The following KCNB2 variants were observed in gnomAD, a reference collection of about 807,000 sequenced individuals.
KCNB2 encodes potassium voltage-gated channel subfamily B member 2.
A neutral mutation model predicts 61.5 loss-of-function variants in KCNB2; 15 were observed. The ratio of observed to expected loss-of-function variants is 0.24; its 90% CI spans 0.16 to 0.38. The LOEUF (loss-of-function observed/expected upper bound fraction) is 0.38, where lower values mean the gene tolerates loss of function less well. KCNB2 is among the 10% of genes least tolerant of loss of function. The pLI is 1.00. For missense variants in KCNB2, 828 were observed against 1,125.2 expected (o/e 0.74, Z 3.78); for synonymous variants, 457 against 446.0 (o/e 1.02, Z -0.31).
chr8:72,568,778 A>G (rs1260178387), intron 2 of KCNB2, among the ~76,000 whole-genome samples: 1 of 144,534 alleles, frequency 6.9e-6, no homozygotes, highest in Admixed American at 7.4e-5. Flanking sequence ...GCATGGCCCC[A>G]GGTAGCTCAG....
At chr8:72,621,898 A>C (rs1563541102) in intron 2 of KCNB2, among the ~76,000 whole-genome samples, 1 of 152,196 alleles carries the variant, frequency 6.6e-6, no homozygotes, top group African/African-American at 2.4e-5. Flanking sequence ...AAGTGTTTGT[A>C]GTATTCATGT....
chr8:72,759,253 A>G (rs765328432), intron 2 of KCNB2, among the ~76,000 whole-genome samples: 21 of 152,216 alleles, frequency 1.4e-4, no homozygotes, highest in Non-Finnish European at 2.9e-4. Flanking sequence ...TTATGATACT[A>G]TATTACATAA....
At chr8:72,672,988 G>T (rs1806590468) in intron 2 of KCNB2, among the ~76,000 whole-genome samples, 1 of 152,136 alleles carries the variant, frequency 6.6e-6, no homozygotes, top group Non-Finnish European at 1.5e-5. Flanking sequence ...TTATATGATG[G>T]TTTCTTAAAG....
chr8:72,810,351 T>C (rs1315322418), intron 2 of KCNB2, among the ~76,000 whole-genome samples: 1 of 152,222 alleles, frequency 6.6e-6, no homozygotes, highest in East Asian at 1.9e-4. Flanking sequence ...GGACTGTCGC[T>C]GATAAACAGA....
At chr8:72,725,626 T>TGTGTGTATATA (rs1563572150) in intron 2 of KCNB2, among the ~76,000 whole-genome samples, 1 of 144,120 alleles carries the variant, frequency 6.9e-6, no homozygotes, top group Non-Finnish European at 1.5e-5. Flanking sequence ...TATATATGCA[T>TGTGTGTATATA]TCTTCTGAAA....
intron 2 of KCNB2, among the ~76,000 whole-genome samples, chr8:72,838,560 C>T (rs998751116): frequency 3.3e-5 from 5 of 152,182 alleles, no homozygotes; most frequent in Middle Eastern, 3.4e-3. Context: ...TGAATAGTGC[C>T]GCAATAAACA....
At chr8:72,869,893 CT>C (rs1325104402) in intron 2 of KCNB2, among the ~76,000 whole-genome samples, 3 of 152,176 alleles carry the variant, frequency 2.0e-5, no homozygotes, top group Non-Finnish European at 4.4e-5. Context: ...CTGCACCCCC[CT>C]ATTCACTGCG....
intron 1 of KCNB2, among the ~76,000 whole-genome samples, chr8:72,540,903 C>G (rs1403994315): frequency 6.6e-6 from 1 of 151,654 alleles, no homozygotes; most frequent in Non-Finnish European, 1.5e-5. Context: ...TTATTACTTA[C>G]TAAATATATA....
chr8:72,919,093 C>T (rs1340828797), intron 2 of KCNB2, among the ~76,000 whole-genome samples: 1 of 152,216 alleles, frequency 6.6e-6, no homozygotes, highest in Non-Finnish European at 1.5e-5. Flanking sequence ...GTATTATCAT[C>T]TCCAAAGGAG....
chr8:72,560,400 C>T (rs148298687), intron 1 of KCNB2, among the ~76,000 whole-genome samples: 2 of 152,260 alleles, frequency 1.3e-5, no homozygotes, highest in African/African-American at 4.8e-5. Context: ...GTGTCATTCA[C>T]GTGGAATCAG....
chr8:72,589,624 C>T (rs747992456), intron 2 of KCNB2, among the ~76,000 whole-genome samples: 2 of 152,188 alleles, frequency 1.3e-5, no homozygotes, highest in Non-Finnish European at 2.9e-5. Context: ...TTATCTAAAC[C>T]TAGAACCTAA....
At chr8:72,632,753 A>T (rs1373212126) in intron 2 of KCNB2, among the ~76,000 whole-genome samples, 1 of 152,202 alleles carries the variant, frequency 6.6e-6, no homozygotes, top group African/African-American at 2.4e-5. Context: ...TTAATATTCC[A>T]TCGACAAAAT....
intron 2 of KCNB2, among the ~76,000 whole-genome samples, chr8:72,846,182 TC>T (rs1254444557): frequency 3.3e-5 from 5 of 152,120 alleles, no homozygotes; most frequent in African/African-American, 9.7e-5. Context: ...CCTCACAGCT[TC>T]CCTTGGCTAG....
intron 2 of KCNB2, among the ~76,000 whole-genome samples, chr8:72,863,316 A>G (rs1269046008): frequency 6.6e-6 from 1 of 152,218 alleles, no homozygotes; most frequent in African/African-American, 2.4e-5. Context: ...CACTATTAAG[A>G]AAGCATTTAC....
intron 2 of KCNB2, among the ~76,000 whole-genome samples, chr8:72,633,322 C>T (rs1261180989): frequency 6.6e-6 from 1 of 152,152 alleles, no homozygotes; most frequent in Non-Finnish European, 1.5e-5. Flanking sequence ...CAGATCTTCT[C>T]ATGACTTCTG....
At position 72,649,876 on chromosome 8, in the gene KCNB2, G is replaced by A. The variant is rs1048152197; in HGVS notation, c.579+81563G>A. ...CTCCAACAGGTGAAACCTTTAAATT[G>A]CAACCGAAAGGATGACTTTTGCATC... On this transcript the variant is annotated intron_variant, in intron 2 of 2. Transcript: ENST00000523207. 3.9e-5 allele frequency among the ~76,000 whole-genome samples: 6 copies of A among 152,198 alleles called. No individual in the cohort carries two copies. In the East Asian group the frequency reaches 9.7e-4, roughly 25 times the overall value.
At chr8:72,850,832 T>G (rs1295579985) in intron 2 of KCNB2, among the ~76,000 whole-genome samples, 1 of 152,246 alleles carries the variant, frequency 6.6e-6, no homozygotes, top group African/African-American at 2.4e-5. Flanking sequence ...TGTATGTGAT[T>G]GTCAAATAAG....
intron 2 of KCNB2, among the ~76,000 whole-genome samples, chr8:72,887,278 G>C (rs1403508594): frequency 6.6e-6 from 1 of 152,146 alleles, no homozygotes; most frequent in Non-Finnish European, 1.5e-5. Context: ...CTGAAAGTTG[G>C]TCATGAGGGC....
intron 2 of KCNB2, among the ~76,000 whole-genome samples, chr8:72,845,204 G>A (rs1024781189): frequency 2.0e-5 from 3 of 152,102 alleles, no homozygotes; most frequent in Admixed American, 1.3e-4. Flanking sequence ...CTCTGCTGCA[G>A]GTCTGCTGTA....
Sources: gnomAD v4.1 joint callset for allele counts (sites outside exome capture counted in the v4.1 genomes callset) on GRCh38, gnomAD v4.1.1 for gene constraint, MANE v1.5 for transcripts, NCBI Gene and HGNC (gene_info 2026-07-23, HGNC 2026-07-21) for gene names.